Variants in MACROD2 observed in about 807,000 individuals in gnomAD.
The protein encoded by MACROD2 is mono-ADP ribosylhydrolase 2, also known as ADP-ribose glycohydrolase MACROD2.
Under a neutral mutation model 70.4 loss-of-function variants are expected in MACROD2, and 36 were observed. The ratio of observed to expected loss-of-function variants is 0.51; its 90% confidence interval spans 0.39 to 0.68. The LOEUF (loss-of-function observed/expected upper bound fraction) is 0.68, where lower values mean the gene tolerates loss of function less well. Among genes scored for constraint, MACROD2 ranks in the 30% least tolerant of loss-of-function variants. The pLI is 0.00. For synonymous variants in MACROD2, 172 were observed against 178.8 expected (o/e 0.96, Z 0.30); for missense variants, 496 against 538.4 (o/e 0.92, Z 0.78).
rs1322715979 is a variant in MACROD2 at position 14,165,491 on chromosome 20, G to A, written c.271+79763G>A. On this transcript the variant is annotated intron_variant, in intron 3 of 17. Coordinates refer to ENST00000684519, the MANE Select transcript of MACROD2 (RefSeq NM_001351661.2). ...TTCTTAGAGGATCTATTTTAAGTGT[G>A]ATTAACTACTTGCTATTTGGGTTCT... Among the ~76,000 whole-genome samples the A allele has an allele frequency of 2.0e-5, 3 of 152,116 alleles. No individual in the cohort carries two copies. In the East Asian group the frequency reaches 5.8e-4, roughly 29 times the overall value.
chr20:14,806,733 G>A (rs2072643603), intron 5 of MACROD2, among the ~76,000 whole-genome samples: 1 of 152,084 alleles, frequency 6.6e-6, no homozygotes, highest in Non-Finnish European at 1.5e-5. Context: ...AAGTTGACCT[G>A]GGATGCTCGA....
At chr20:15,014,566 G>A (rs1254610768) in intron 5 of MACROD2, among the ~76,000 whole-genome samples, 1 of 152,136 alleles carries the variant, frequency 6.6e-6, no homozygotes, top group East Asian at 1.9e-4. Context: ...GGGTTGAAAG[G>A]ATGCCCTTAA....
intron 3 of MACROD2, chr20:14,127,629 A>C (rs2054668841): frequency 4.6e-6 from 2 of 434,630 alleles, no homozygotes; most frequent in Admixed American, 3.4e-5. Flanking sequence ...ATTCAGACAG[A>C]AATTCAAAAC....
intron 8 of MACROD2, among the ~76,000 whole-genome samples, chr20:15,801,767 T>C (rs2147073198): frequency 6.6e-6 from 1 of 152,282 alleles, no homozygotes; most frequent in South Asian, 2.1e-4. Flanking sequence ...AGCATTGCAT[T>C]GAATCTCTAG....
chr20:14,426,281 T>C (rs1197954392), intron 3 of MACROD2, among the ~76,000 whole-genome samples: 1 of 152,112 alleles, frequency 6.6e-6, no homozygotes, highest in Non-Finnish European at 1.5e-5. Context: ...TTTTATTTTT[T>C]GTTATATTTT....
intron 3 of MACROD2, among the ~76,000 whole-genome samples, chr20:14,218,609 G>A (rs563044583): frequency 5.8e-4 from 89 of 152,184 alleles, no homozygotes; most frequent in African/African-American, 2.0e-3. Flanking sequence ...TTTTTAACTT[G>A]TATTTTTGTT....
intron 3 of MACROD2, among the ~76,000 whole-genome samples, chr20:14,364,285 C>G (rs1304205821): frequency 6.6e-6 from 1 of 152,196 alleles, no homozygotes; most frequent in African/African-American, 2.4e-5. Flanking sequence ...GGAAGTTCCA[C>G]TTTATGAAGG....
intron 5 of MACROD2, among the ~76,000 whole-genome samples, chr20:15,187,774 A>G (rs2076543417): frequency 1.3e-5 from 2 of 152,208 alleles, no homozygotes; most frequent in South Asian, 4.1e-4. Context: ...GTTTATCATA[A>G]TCTCCAAGCC....
chr20:15,123,740 T>G (rs1322113), intron 5 of MACROD2, among the ~76,000 whole-genome samples: 90,003 of 151,988 alleles, frequency 0.59, 28,749 homozygotes, highest in East Asian at 0.88. Flanking sequence ...CAAGTCAGTT[T>G]GAATCAAATT....
intron 5 of MACROD2, among the ~76,000 whole-genome samples, chr20:15,013,663 A>T (rs978248755): frequency 6.6e-6 from 1 of 152,124 alleles, no homozygotes; most frequent in African/African-American, 2.4e-5. Flanking sequence ...GGGCCAACTG[A>T]AACTTCCCTT....
intron 3 of MACROD2, among the ~76,000 whole-genome samples, chr20:14,141,148 T>G (rs1473852030): frequency 1.3e-5 from 2 of 152,172 alleles, no homozygotes; most frequent in Admixed American, 1.3e-4. Context: ...TTACACCTAT[T>G]TAGTCATTTG....
intron 4 of MACROD2, among the ~76,000 whole-genome samples, chr20:14,573,265 G>A (rs1451250736): frequency 1.3e-5 from 2 of 152,012 alleles, no homozygotes; most frequent in African/African-American, 4.8e-5. Context: ...ATGGAATTAT[G>A]TATTATTTTA....
chr20:15,068,579 GAGCCT>G (rs2075595426), intron 5 of MACROD2, among the ~76,000 whole-genome samples: 1 of 152,096 alleles, frequency 6.6e-6, no homozygotes. Flanking sequence ...TTGTTTAAAA[GAGCCT>G]AGCACCTCCT....
At chr20:14,505,799 A>G (rs1236156708) in intron 4 of MACROD2, among the ~76,000 whole-genome samples, 1 of 152,240 alleles carries the variant, frequency 6.6e-6, no homozygotes, top group Non-Finnish European at 1.5e-5. Flanking sequence ...AGAGGATTTT[A>G]GGTTATGGCA....
chr20:15,456,286 T>C (rs1482363042), intron 7 of MACROD2, among the ~76,000 whole-genome samples: 3 of 152,162 alleles, frequency 2.0e-5, no homozygotes, highest in Non-Finnish European at 2.9e-5. Context: ...TCTGGGCCTT[T>C]GCATACACAG....
At chr20:14,398,767 T>C (rs2083606587) in intron 3 of MACROD2, among the ~76,000 whole-genome samples, 1 of 152,166 alleles carries the variant, frequency 6.6e-6, no homozygotes, top group South Asian at 2.1e-4. Flanking sequence ...AATTATCTTT[T>C]AAAGGTATTT....
At chr20:14,055,757 T>C (rs865952807) in intron 2 of MACROD2, among the ~76,000 whole-genome samples, 1 of 130,808 alleles carries the variant, frequency 7.6e-6, no homozygotes, top group Non-Finnish European at 1.7e-5. Context: ...TTTTTTTTTT[T>C]AAACCTGTCC....
chr20:14,584,647 A>C (rs573841043), intron 4 of MACROD2, among the ~76,000 whole-genome samples: 53 of 152,256 alleles, frequency 3.5e-4, no homozygotes, highest in African/African-American at 1.3e-3. Flanking sequence ...GGGCTTCAAC[A>C]TTTGAAATTT....
chr20:14,923,774 A>T (rs2074192522), intron 5 of MACROD2, among the ~76,000 whole-genome samples: 1 of 35,972 alleles, frequency 2.8e-5, no homozygotes, highest in Non-Finnish European at 5.3e-5. Flanking sequence ...AGGGTTTCCT[A>T]GGCTGGCGGT....
Sources: gnomAD v4.1 joint callset for allele counts (sites outside exome capture counted in the v4.1 genomes callset) on GRCh38, gnomAD v4.1.1 for gene constraint, MANE v1.5 for transcripts, NCBI Gene and HGNC (gene_info 2026-07-23, HGNC 2026-07-21) for gene names.